PHIP: variants seen among roughly 807,000 people sequenced by gnomAD.
The protein encoded by PHIP is PH-interacting protein.
In PHIP, 54 loss-of-function variants were observed where a neutral mutation model predicts 236.8. That is an observed-to-expected ratio of 0.23 (90% CI 0.18 to 0.29). PHIP has a LOEUF of 0.29. Ranked by LOEUF, PHIP falls within the 10% of genes least tolerant of loss-of-function variation. The pLI, the probability that PHIP is intolerant of heterozygous loss-of-function variation, is 1.00. For synonymous variants in PHIP, 756 were observed against 718.9 expected (o/e 1.05, Z -0.83); for missense variants, 1,370 against 2,190.8 (o/e 0.63, Z 7.48).
intron 24 of PHIP, among the ~76,000 whole-genome samples, chr6:78,977,322 A>G (rs1313096050): frequency 6.6e-6 from 1 of 151,842 alleles, no homozygotes; most frequent in Non-Finnish European, 1.5e-5. Flanking sequence ...TGGGAATTGA[A>G]CAATGAGATC....
At chr6:79,044,021 G>C (rs1772352999) in intron 6 of PHIP, among the ~76,000 whole-genome samples, 1 of 151,820 alleles carries the variant, frequency 6.6e-6, no homozygotes, top group South Asian at 2.1e-4. Flanking sequence ...AAGAATCTCA[G>C]TATTGCTTAT....
At position 78,984,193 on chromosome 6, in the gene PHIP, A is replaced by G. The variant is rs143256215; in HGVS notation, c.2538-1076T>C. Among the ~76,000 whole-genome samples, 97 of 152,302 alleles carry G rather than the reference A, an allele frequency of 6.4e-4. 1 individual carries two copies. The South Asian group carries it at 8.1e-3, about 13-fold the overall frequency. On this transcript the variant is annotated intron_variant, in intron 22 of 39. Transcript: ENST00000275034. Reference sequence around the variant, plus strand: ...TTATAAGCACGTACCTAAATCTCTGATTATCCTAATCATCCCAGATAAGAA... The same window carrying G: ...TTATAAGCACGTACCTAAATCTCTGGTTATCCTAATCATCCCAGATAAGAA...
chr6:78,970,226 T>C (rs571759571), intron 25 of PHIP, 53 bp from the exon 26 acceptor site: 57 of 1,492,938 alleles, frequency 3.8e-5, no homozygotes, highest in Middle Eastern at 3.6e-4. Flanking sequence ...AACCACAAAA[T>C]AGACTGCTAA....
chr6:78,977,442 G>C (rs1172619927), intron 24 of PHIP, among the ~76,000 whole-genome samples: 3 of 152,080 alleles, frequency 2.0e-5, no homozygotes, highest in African/African-American at 7.2e-5. Context: ...GAGTTAGTGG[G>C]TGCAGCACAC....
At chr6:78,947,815 C>T (rs375775755) in intron 35 of PHIP, 40 bp from the exon 36 acceptor site, 5 of 1,400,814 alleles carry the variant, frequency 3.6e-6, no homozygotes, top group Middle Eastern at 3.6e-4. Context: ...ATTATTACTA[C>T]ACAAAGCATC....
chr6:78,991,237 G>C (rs1769222257), intron 19 of PHIP, among the ~76,000 whole-genome samples: 1 of 151,840 alleles, frequency 6.6e-6, no homozygotes, highest in Non-Finnish European at 1.5e-5. Context: ...ATGGTCTCTG[G>C]CAAACCAAGT....
chr6:79,015,558 T>A, intron 14 of PHIP, 72 bp downstream of exon 14: 3 of 1,149,306 alleles, frequency 2.6e-6, no homozygotes, highest in Non-Finnish European at 3.7e-6. Flanking sequence ...AAAGACTTTA[T>A]TCCTCAATGA....
At position 78,934,514 on chromosome 6, in the gene PHIP, A is replaced by G. The variant is rs1177670272; in HGVS notation, c.*6179T>C. Among the ~76,000 whole-genome samples, 1 of 152,242 alleles carries G rather than the reference A, an allele frequency of 6.6e-6. No individual in the cohort carries two copies. The highest frequency in any genetic ancestry group is 2.4e-5 in the African/African-American group (1 of 41,462). On this transcript the variant is annotated 3_prime_UTR_variant, in exon 40 of 40. Coordinates refer to ENST00000275034, the MANE Select transcript of PHIP (RefSeq NM_017934.7). ...CAATAGTGTGTTGTAAAAACATTAA[A>G]AGTCCTTCTGCTAAGGGTTCAGAAA...
rs911522429 is a variant in PHIP at position 78,944,592 on chromosome 6, G to C, written c.4828+708C>G. Among the ~76,000 whole-genome samples, 4 of 152,304 alleles carry C rather than the reference G, an allele frequency of 2.6e-5. No homozygotes were observed. The East Asian group carries it at 7.7e-4, about 29-fold the overall frequency. On this transcript the variant is annotated intron_variant, in intron 39 of 39. Transcript: ENST00000275034. Reference sequence around the variant, plus strand: ...GTTGAACAGATTCAGTTGCTGAAGAGAAGGCTAGGATGACTCCCTGATTTT... The same window carrying C: ...GTTGAACAGATTCAGTTGCTGAAGACAAGGCTAGGATGACTCCCTGATTTT...
At chr6:79,024,485 C>G (rs1771286366) in intron 9 of PHIP, among the ~76,000 whole-genome samples, 1 of 152,094 alleles carries the variant, frequency 6.6e-6, no homozygotes, top group Admixed American at 6.6e-5. Context: ...ACACTATTTC[C>G]TCTCCCCACT....
At chr6:78,998,062 T>A (rs769738400) in intron 18 of PHIP, among the ~76,000 whole-genome samples, 192 bp downstream of exon 18, 9 of 152,160 alleles carry the variant, frequency 5.9e-5, no homozygotes, top group Non-Finnish European at 1.0e-4. Context: ...AAACTCATTA[T>A]CTCTAACTTG....
At chr6:79,018,483 T>C (rs773727188) in intron 10 of PHIP, among the ~76,000 whole-genome samples, 6 of 152,002 alleles carry the variant, frequency 3.9e-5, no homozygotes, top group Non-Finnish European at 8.8e-5. Context: ...TTAGACACTA[T>C]TTGGATCTAC....
chr6:78,945,177 C>A, intron 39 of PHIP, 123 bp downstream of exon 39: 2 of 677,874 alleles, frequency 3.0e-6, no homozygotes, highest in Non-Finnish European at 2.6e-6. Flanking sequence ...AATTTATCAA[C>A]TAATACAGAT....
At chr6:78,956,981 A>G (rs561562780) in intron 32 of PHIP, 1 of 152,218 alleles carries the variant, frequency 6.6e-6, no homozygotes, top group South Asian at 2.1e-4. Context: ...ATTAAAAAGT[A>G]TAATAATCAA....
At chr6:79,024,353 C>A (rs1771279626) in intron 9 of PHIP, among the ~76,000 whole-genome samples, 1 of 152,044 alleles carries the variant, frequency 6.6e-6, no homozygotes, top group Non-Finnish European at 1.5e-5. Flanking sequence ...TGATATATAC[C>A]TTCTAATCTG....
Position 78,970,962 on chromosome 6 carries a change from T to C in PHIP, c.2890-74A>G, listed in dbSNP as rs796509536. ...CCAATATACAGGGTATCAGCTGAAA[T>C]TGCAAAGAGAAAATCTAATGCCTTT... On this transcript the variant is annotated intron_variant, in intron 24 of 39. Coordinates refer to ENST00000275034, the MANE Select transcript of PHIP (RefSeq NM_017934.7). 3.2e-5 allele frequency: 31 copies of C among 978,462 alleles called. No individual in the cohort carries two copies. In the Admixed American group the frequency reaches 3.5e-4, roughly 11 times the overall value. 60.6% of individuals were successfully genotyped at this position (978,462 alleles called of 1,614,324 possible).
At position 79,060,659 on chromosome 6, in the gene PHIP, T is replaced by G; in HGVS notation, c.340+9A>C. The G allele has an allele frequency of 6.2e-7, 1 of 1,609,522 alleles. No individual in the cohort carries two copies. Among genetic ancestry groups the G allele is most frequent in the African/African-American group, 1.3e-5 (1 of 74,704 alleles). On this transcript the variant is annotated intron_variant, in intron 5 of 39. Coordinates refer to ENST00000275034, the MANE Select transcript of PHIP (RefSeq NM_017934.7). ...ATAATGTCTAAATCCTATGAGAAAA[T>G]TTTCATACTTTTATTTGTGCGTAGT...
At chr6:79,014,707 C>A (rs1181456896) in intron 15 of PHIP, among the ~76,000 whole-genome samples, 2 of 151,706 alleles carry the variant, frequency 1.3e-5, no homozygotes, top group African/African-American at 4.8e-5. Flanking sequence ...GAGTAAAATT[C>A]TATTGTGCTA....
intron 19 of PHIP, 40 bp from the exon 20 acceptor site, chr6:78,991,025 C>T (rs1769205968): frequency 8.2e-7 from 1 of 1,217,292 alleles, no homozygotes; most frequent in Non-Finnish European, 1.2e-6. Context: ...TAGAATTTTA[C>T]ACATAACTTT....
Sources: gnomAD v4.1 joint callset for allele counts (sites outside exome capture counted in the v4.1 genomes callset) on GRCh38, gnomAD v4.1.1 for gene constraint, MANE v1.5 for transcripts, NCBI Gene and HGNC (gene_info 2026-07-23, HGNC 2026-07-21) for gene names.